ITIH1: variants seen among roughly 807,000 people sequenced by gnomAD.
ITIH1 encodes inter-alpha-trypsin inhibitor heavy chain 1, also known as inter-alpha-trypsin inhibitor heavy chain H1.
A neutral mutation model predicts 104.6 loss-of-function variants in ITIH1; 94 were observed. The ratio of observed to expected loss-of-function variants is 0.90; its 90% CI spans 0.76 to 1.07. The LOEUF (loss-of-function observed/expected upper bound fraction) is 1.07. Among genes scored for constraint, ITIH1 ranks in the 50% least tolerant of loss-of-function variants. ITIH1 has a pLI of 0.00. For synonymous variants in ITIH1, 455 were observed against 464.4 expected, an observed-to-expected ratio of 0.98 and a Z score of 0.26; for missense variants, 1,193 against 1,181.4, an observed-to-expected ratio of 1.01 and a Z score of -0.14.
intron 2 of ITIH1, 72 bp downstream of exon 2, chr3:52,778,089 G>A (rs2154108078): frequency 6.5e-7 from 1 of 1,548,398 alleles, no homozygotes; most frequent in Non-Finnish European, 8.9e-7. Context: ...CAACCTGTCA[G>A]GGGTGGACCC....
intron 5 of ITIH1, 142 bp from the exon 6 acceptor site, chr3:52,780,114 AGAATTTGCTTCAG>A: frequency 1.1e-6 from 1 of 915,268 alleles, no homozygotes; most frequent in Non-Finnish European, 1.6e-6. Flanking sequence ...GCCCTGGTAG[AGAATTTGCTTCAG>A]TGTGGTGTGA....
At chr3:52,783,446 A>G in intron 10 of ITIH1, 107 bp downstream of exon 10, 2 of 1,284,644 alleles carry the variant, frequency 1.6e-6, no homozygotes, top group Non-Finnish European at 2.2e-6. Context: ...AGGGGGCAGA[A>G]AAGCTCAGGG....
At position 52,786,424 on chromosome 3, in the gene ITIH1, C is replaced by T; in HGVS notation, c.1723C>T (p.Leu575=). The T allele has an allele frequency of 6.3e-7, 1 of 1,582,760 alleles. No homozygotes were observed. The highest frequency in any genetic ancestry group is 8.6e-7 in the Non-Finnish European group (1 of 1,164,166). The change falls in exon 13 of 22, where the codon CTG becomes TTG. Residue 575 remains leucine, a synonymous_variant. Transcript: ENST00000273283. The stretch of plus-strand genomic sequence containing the variant: ...GGCCTACCTCACCATCCAGGAGCTG[C>T]TGGCCAAGCGGTAGGGCACCTGCAG... ...LWAYLTIQEL[L]AKRMKVDREE...
At position 52,791,846 on chromosome 3, in the gene ITIH1, CACA is replaced by C. The variant is rs755704911; in HGVS notation, c.2676_2678del (p.Asn893del). ...GGCCGAGGTGTCCTGCTGGTTCATTCACAACAATGGGGCTGGACTCATCGATGG... is the reference window on the plus strand; with the variant it reads ...GGCCGAGGTGTCCTGCTGGTTCATTCACAATGGGGCTGGACTCATCGATGG... On this transcript the variant is annotated inframe_deletion, in exon 22 of 22. Coordinates refer to ENST00000273283, the MANE Select transcript of ITIH1 (RefSeq NM_002215.4). 6 of 1,614,184 alleles carry C rather than the reference CACA, an allele frequency of 3.7e-6. No homozygotes were observed. The African/African-American group carries it at 8.0e-5, about 22-fold the overall frequency.
chr3:52,784,248 A>G (rs772884708), intron 10 of ITIH1, 48 bp from the exon 11 acceptor site: 3 of 1,551,822 alleles, frequency 1.9e-6, no homozygotes, highest in South Asian at 2.4e-5. Flanking sequence ...CGTGCCCCAC[A>G]TGCCTGTGGG....
chr3:52,787,571 A>G, intron 15 of ITIH1, 21 bp from the exon 16 acceptor site: 1 of 1,614,114 alleles, frequency 6.2e-7, no homozygotes. Flanking sequence ...GTCTTCGATA[A>G]TATGTCCTTG....
At chr3:52,781,502 C>T (rs1414687893) in intron 6 of ITIH1, among the ~76,000 whole-genome samples, 1 of 152,058 alleles carries the variant, frequency 6.6e-6, no homozygotes, top group African/African-American at 2.4e-5. Flanking sequence ...TCACTAGCTT[C>T]CCCAAGCACA....
chr3:52,781,104 A>T (rs1699021100), intron 6 of ITIH1, among the ~76,000 whole-genome samples: 1 of 152,080 alleles, frequency 6.6e-6, no homozygotes, highest in African/African-American at 2.4e-5. Context: ...GAACAAAGGG[A>T]TGGGTCCTTG....
At position 52,783,073 on chromosome 3, in the gene ITIH1, G is replaced by A; in HGVS notation, c.1047G>A (p.Glu349=). 1 of 1,614,072 alleles carries A rather than the reference G, an allele frequency of 6.2e-7. No individual in the cohort carries two copies. Among genetic ancestry groups the A allele is most frequent in the Non-Finnish European group, 8.5e-7 (1 of 1,180,006 alleles). ...SWKGSLVQAS[E]ANLQAAQDFV... The stretch of plus-strand genomic sequence containing the variant: ...AGGGCTCGCTGGTGCAAGCATCTGA[G>A]GCCAACCTACAAGCAGCTCAAGACT... Residue 349 remains glutamate, a synonymous_variant, in exon 9 of 22, where the codon GAG becomes GAA. Transcript: ENST00000273283.
At chr3:52,790,555 G>C in intron 19 of ITIH1, 194 bp from the exon 20 acceptor site, 1 of 598,436 alleles carries the variant, frequency 1.7e-6, no homozygotes. Flanking sequence ...GCTTAGCACA[G>C]GACCTGGCAC....
chr3:52,786,535 C>G, intron 13 of ITIH1, 101 bp downstream of exon 13: 1 of 1,154,196 alleles, frequency 8.7e-7, no homozygotes, highest in African/African-American at 1.6e-5. Context: ...GCAAGTAGGT[C>G]AGATTTACTT....
intron 11 of ITIH1, 81 bp from the exon 12 acceptor site, chr3:52,784,963 C>T (rs1699160771): frequency 1.4e-6 from 2 of 1,429,696 alleles, no homozygotes; most frequent in African/African-American, 1.4e-5. Flanking sequence ...TTGGGAATTC[C>T]CAACACTCCA....
Position 52,778,416 on chromosome 3 carries a change from C to A in ITIH1, c.215C>A (p.Thr72Asn). 6.2e-7 allele frequency: 1 copy of A among 1,614,206 alleles called. No homozygotes were observed. Among genetic ancestry groups the A allele is most frequent in the Non-Finnish European group, 8.5e-7 (1 of 1,180,026 alleles). Residue 72 changes from threonine to asparagine, a missense_variant, in exon 3 of 22, where the codon ACC becomes AAC. Coordinates refer to ENST00000273283, the MANE Select transcript of ITIH1 (RefSeq NM_002215.4). ...VTSRFAHYVV[T>N]SQVVNTANEA... ...TCTCGCTTCGCCCACTATGTTGTCACCAGCCAAGTGGTCAACACTGCCAAT... is the reference window on the plus strand; with the variant it reads ...TCTCGCTTCGCCCACTATGTTGTCAACAGCCAAGTGGTCAACACTGCCAAT...
chr3:52,787,760 G>C, intron 16 of ITIH1, 148 bp downstream of exon 16: 1 of 1,014,622 alleles, frequency 9.9e-7, no homozygotes, highest in Non-Finnish European at 1.6e-6. Context: ...TCCCCAGCCT[G>C]AGGTCCCTGG....
Position 52,789,736 on chromosome 3 carries a change from A to G in ITIH1, c.2203A>G (p.Ile735Val). The change falls in exon 19 of 22, where the codon ATC (isoleucine) becomes GTC (valine). Residue 735 changes from isoleucine to valine, a missense_variant. Ile to Val is a conservative substitution (Grantham distance 29). Transcript: ENST00000273283. ...CGGCACGTACTTCGGGCGGCTGGGA[A>G]TCGCAAACCCTGCCACGGACTTTCA... ...HDGTYFGRLG[I>V]ANPATDFQLE... The G allele has an allele frequency of 1.2e-6, 2 of 1,614,210 alleles. No homozygotes were observed. The highest frequency in any genetic ancestry group is 2.2e-5 in the South Asian group (2 of 91,084).
rs1699339723 is a variant in ITIH1, at chr3:52,790,927, G to A, written c.2494+6G>A. 4 of 1,592,390 alleles carry A rather than the reference G, an allele frequency of 2.5e-6. No individual in the cohort carries two copies. The highest frequency in any genetic ancestry group is 3.4e-6 in the Non-Finnish European group (4 of 1,172,010). On this transcript the variant is annotated splice_donor_region_variant and intron_variant, in intron 20 of 21. Coordinates refer to ENST00000273283, the MANE Select transcript of ITIH1 (RefSeq NM_002215.4). ...CCGGACGCACGGGCTGCTGGGTACGGCTGGCCAGGCTGGCAGGGCTGTGGG... is the reference window on the plus strand; with the variant it reads ...CCGGACGCACGGGCTGCTGGGTACGACTGGCCAGGCTGGCAGGGCTGTGGG...
rs974180477 is a variant in ITIH1 at position 52,786,509 on chromosome 3, G to A, written c.1733+75G>A. ...CCCCACCCCTTGGAGGTGAGCAGAG[G>A]AGGGGTGGTTCTGGGGCAAGTAGGT... On this transcript the variant is annotated intron_variant, in intron 13 of 21. Transcript: ENST00000273283. 10 of 1,419,158 alleles carry A rather than the reference G, an allele frequency of 7.0e-6. 1 individual carries two copies. In the African/African-American group the frequency reaches 1.4e-4, roughly 21 times the overall value. 87.9% of individuals were successfully genotyped at this position (1,419,158 alleles called of 1,614,324 possible).
intron 16 of ITIH1, 85 bp downstream of exon 16, chr3:52,787,697 C>A: frequency 7.1e-7 from 1 of 1,415,482 alleles, no homozygotes; most frequent in African/African-American, 1.4e-5. Context: ...TTCTAGCTGT[C>A]TTCACTGCTT....
chr3:52,779,287 G>A lies in ITIH1; in HGVS notation c.411-145G>A. 2.1e-6 allele frequency: 2 copies of A among 931,992 alleles called. No homozygotes were observed. Among genetic ancestry groups the A allele is most frequent in the Non-Finnish European group, 3.3e-6 (2 of 600,882 alleles). 57.7% of individuals were successfully genotyped at this position (931,992 alleles called of 1,614,324 possible). A position where few individuals can be genotyped will look rare whatever the true frequency, so the allele number is the denominator to read the frequency against. ...CTTGGGCCCTGACCCTGACCAGCCA[G>A]CTAACACATTTGTGAGGTCCAGGGA... On this transcript the variant is annotated intron_variant, in intron 4 of 21. Transcript: ENST00000273283. This position sits in a 1 kb window ranked among gnomAD's most constrained non-coding sequence, Gnocchi z 4.4.
Sources: gnomAD v4.1 joint callset for allele counts (sites outside exome capture counted in the v4.1 genomes callset) on GRCh38, gnomAD v4.1.1 for gene constraint, Gnocchi (gnomAD v3.1) non-coding constraint, MANE v1.5 for transcripts, NCBI Gene and HGNC (gene_info 2026-07-23, HGNC 2026-07-21) for gene names.